DOCK9: variants seen among roughly 807,000 people sequenced by gnomAD.
DOCK9 encodes the protein dedicator of cytokinesis protein 9.
A neutral mutation model predicts 263.3 loss-of-function variants in DOCK9; 89 were observed. That is an observed-to-expected ratio of 0.34 (90% confidence interval 0.28 to 0.40). The LOEUF (loss-of-function observed/expected upper bound fraction) is 0.40. Ranked by LOEUF, DOCK9 falls within the 10% of genes least tolerant of loss-of-function variation. The pLI, the probability that DOCK9 is intolerant of heterozygous loss-of-function variation, is 1.00. For synonymous variants in DOCK9, 976 were observed against 973.1 expected (o/e 1.00, Z -0.06); for missense variants, 2,140 against 2,603.4 (o/e 0.82, Z 3.87).
At chr13:98,960,754 G>C (rs1438991935) in intron 1 of DOCK9, among the ~76,000 whole-genome samples, 5 of 152,172 alleles carry the variant, frequency 3.3e-5, no homozygotes, top group Non-Finnish European at 5.9e-5. Flanking sequence ...GGAGCTCCAG[G>C]AGCAGGGACC....
At chr13:98,966,906 C>T (rs368901831) in intron 1 of DOCK9, among the ~76,000 whole-genome samples, 6 of 152,200 alleles carry the variant, frequency 3.9e-5, no homozygotes, top group Admixed American at 1.3e-4. Context: ...CCTGGGCTAG[C>T]ATCAGCATCA....
At chr13:98,925,508 C>T (rs2052789926) in intron 4 of DOCK9, among the ~76,000 whole-genome samples, 1 of 152,144 alleles carries the variant, frequency 6.6e-6, no homozygotes, top group East Asian at 1.9e-4. Flanking sequence ...GGAAAAAATG[C>T]ACTGCAGCAT....
At chr13:98,965,603 G>C (rs1352137004) in intron 1 of DOCK9, among the ~76,000 whole-genome samples, 2 of 152,114 alleles carry the variant, frequency 1.3e-5, no homozygotes, top group African/African-American at 4.8e-5. Context: ...GTCTCAGCCC[G>C]TACTAAAACG....
chr13:99,004,355 T>C (rs1008593439), intron 1 of DOCK9, among the ~76,000 whole-genome samples: 1 of 152,182 alleles, frequency 6.6e-6, no homozygotes, highest in Non-Finnish European at 1.5e-5. Flanking sequence ...CAGTTGTTCT[T>C]CAACAATAAA....
intron 38 of DOCK9, among the ~76,000 whole-genome samples, chr13:98,844,688 T>A (rs544360673): frequency 6.6e-6 from 1 of 152,308 alleles, no homozygotes; most frequent in South Asian, 2.1e-4. Context: ...CCAATCTTCA[T>A]AACACTTAAA....
intron 38 of DOCK9, among the ~76,000 whole-genome samples, chr13:98,845,574 C>T (rs555690470): frequency 2.6e-5 from 4 of 152,138 alleles, no homozygotes; most frequent in South Asian, 2.1e-4. Flanking sequence ...CTCAGAGTTG[C>T]AGGGGAAAGC....
intron 1 of DOCK9, among the ~76,000 whole-genome samples, chr13:99,012,853 G>C (rs1161491625): frequency 6.6e-6 from 1 of 152,156 alleles, no homozygotes; most frequent in African/African-American, 2.4e-5. Flanking sequence ...CAGGCTCAGA[G>C]AGATCATTAA....
chr13:98,948,957 G>GGACA (rs1443173790), intron 2 of DOCK9, among the ~76,000 whole-genome samples: 5 of 152,256 alleles, frequency 3.3e-5, no homozygotes, highest in African/African-American at 1.2e-4. Flanking sequence ...ATCCCTCGAT[G>GGACA]GACACTTGGG....
rs2092690071 is a variant in DOCK9 at position 98,829,837 on chromosome 13, T to A, written c.4636-81A>T. 2.4e-6 allele frequency: 3 copies of A among 1,262,680 alleles called. No individual in the cohort carries two copies. The highest frequency in any genetic ancestry group is 1.1e-6 in the Non-Finnish European group (1 of 888,298). 78.2% of individuals were successfully genotyped at this position (1,262,680 alleles called of 1,614,324 possible). A position where few individuals can be genotyped will look rare whatever the true frequency, so the allele number is the denominator to read the frequency against. On this transcript the variant is annotated intron_variant, in intron 41 of 52. Coordinates refer to ENST00000682017, the MANE Select transcript of DOCK9 (RefSeq NM_001366683.2). The surrounding 1 kb of genome is among the most constrained non-coding windows in gnomAD (Gnocchi z 4.1). ...TGGGCTTCTGCGTTCAGTTAGGATGTGCCTAAGGACCCAGCAAAGTGGGGG... is the reference window on the plus strand; with the variant it reads ...TGGGCTTCTGCGTTCAGTTAGGATGAGCCTAAGGACCCAGCAAAGTGGGGG...
chr13:98,844,729 G>A (rs551894180), intron 38 of DOCK9, among the ~76,000 whole-genome samples: 8 of 152,278 alleles, frequency 5.3e-5, no homozygotes, highest in East Asian at 1.9e-4. Context: ...TAATGCCCAC[G>A]TTGCTGGGTC....
In DOCK9 at chr13:98,923,309, T is replaced by C. The variant is rs1202510819; in HGVS notation, c.479A>G (p.Lys160Arg). 1.4e-5 allele frequency: 22 copies of C among 1,613,794 alleles called. No homozygotes were observed. Among genetic ancestry groups the C allele is most frequent in the East Asian group, 8.9e-5 (4 of 44,880 alleles). ...HVYEVDEEVD[K>R]DEDAASLGSQ... is the part of the protein sequence containing the mutation. ...AGCAAGCAGGTATCCCACCTCATCTTTGTCGACCTCCTCGTCAACTTCATA... is the reference window on the plus strand; with the variant it reads ...AGCAAGCAGGTATCCCACCTCATCTCTGTCGACCTCCTCGTCAACTTCATA... Residue 160 changes from lysine (K) to arginine (R), a missense_variant, in exon 5 of 53, where the codon AAA becomes AGA. Lys to Arg is a conservative substitution (Grantham distance 26, BLOSUM62 2). Coordinates refer to ENST00000682017, the MANE Select transcript of DOCK9 (RefSeq NM_001366683.2).
chr13:98,806,698 C>T (rs548489541), intron 48 of DOCK9, among the ~76,000 whole-genome samples: 1 of 152,184 alleles, frequency 6.6e-6, no homozygotes, highest in South Asian at 2.1e-4. Flanking sequence ...CACTTGAGGT[C>T]GGGAGTTGGA....
intron 52 of DOCK9, chr13:98,796,255 A>G: frequency 6.4e-7 from 1 of 1,551,032 alleles, no homozygotes; most frequent in Non-Finnish European, 8.8e-7. Flanking sequence ...CAAGTGAGTT[A>G]AAGCTCACAC....
At chr13:99,069,298 A>G (rs2041568331) in intron 1 of DOCK9, among the ~76,000 whole-genome samples, 1 of 152,082 alleles carries the variant, frequency 6.6e-6, no homozygotes, top group Admixed American at 6.6e-5. Flanking sequence ...TTTGCTTTTT[A>G]TTTCTTTCTC....
At chr13:98,902,788 C>T (rs2048487973) in intron 11 of DOCK9, among the ~76,000 whole-genome samples, 184 bp downstream of exon 11, 1 of 152,182 alleles carries the variant, frequency 6.6e-6, no homozygotes, top group South Asian at 2.1e-4. Flanking sequence ...CACAAACCTG[C>T]CACCCTCATC....
At chr13:98,855,863 A>G (rs755266712) in intron 34 of DOCK9, 35 bp downstream of exon 34, 13 of 1,611,006 alleles carry the variant, frequency 8.1e-6, no homozygotes, top group Non-Finnish European at 1.0e-5. Flanking sequence ...TCCATTGATT[A>G]TAAGAAACAT....
At chr13:99,062,699 T>C (rs2041244307) in intron 1 of DOCK9, among the ~76,000 whole-genome samples, 2 of 152,244 alleles carry the variant, frequency 1.3e-5, no homozygotes. Flanking sequence ...CTTGCTTTCC[T>C]GCTTTCTCAA....
chr13:98,893,351 T>G (rs1157274820), intron 15 of DOCK9, among the ~76,000 whole-genome samples: 5 of 152,236 alleles, frequency 3.3e-5, no homozygotes, highest in Non-Finnish European at 7.3e-5. Context: ...AACGTTCTAT[T>G]TTTATACTTT....
At position 98,841,453 on chromosome 13, in the gene DOCK9, C is replaced by A. The variant is rs1331347693; in HGVS notation, c.4199-3844G>T. ...TCAGACCTGCTCACCTCTGAGACCC[C>A]ATCAATTGCAAGAAATACCAATCAA... On this transcript the variant is annotated intron_variant, in intron 38 of 52. Transcript: ENST00000682017. 2.0e-5 allele frequency among the ~76,000 whole-genome samples: 3 copies of A among 152,130 alleles called. No homozygotes were observed. In the East Asian group the frequency reaches 5.8e-4, roughly 29 times the overall value.
Sources: gnomAD v4.1 joint callset for allele counts (sites outside exome capture counted in the v4.1 genomes callset) on GRCh38, gnomAD v4.1.1 for gene constraint, Gnocchi (gnomAD v3.1) non-coding constraint, MANE v1.5 for transcripts, NCBI Gene and HGNC (gene_info 2026-07-23, HGNC 2026-07-21) for gene names.